CENPW: variants seen among roughly 807,000 people sequenced by gnomAD.
CENPW encodes the protein centromere protein W.
In CENPW, 3 loss-of-function variants were observed where a neutral mutation model predicts 11.1. The ratio of observed to expected loss-of-function variants is 0.27; its 90% CI spans 0.12 to 0.70. The LOEUF (loss-of-function observed/expected upper bound fraction) is 0.70, where lower values mean the gene tolerates loss of function less well. CENPW is among the 30% of genes least tolerant of loss of function. The pLI is 0.77. For synonymous variants in CENPW, 38 were observed against 42.0 expected, an observed-to-expected ratio of 0.91 and a Z score of 0.37; for missense variants, 100 against 105.6, an observed-to-expected ratio of 0.95 and a Z score of 0.23.
chr6:126,402,616 G>A, the CENPW span, among the ~76,000 whole-genome samples: 3 of 145,234 alleles, frequency 2.1e-5, no homozygotes, highest in African/African-American at 7.6e-5. Context: ...ATCATTCAAT[G>A]TGTAGTCCTT....
chr6:126,460,487 G>A, the CENPW span, among the ~76,000 whole-genome samples: 1 of 151,756 alleles, frequency 6.6e-6, no homozygotes, highest in Non-Finnish European at 1.5e-5. Context: ...AGCCTCAAAT[G>A]TCAACGCTGT....
chr6:126,459,918 CCT>C, the CENPW span, among the ~76,000 whole-genome samples: 1 of 150,360 alleles, frequency 6.7e-6, no homozygotes, highest in Non-Finnish European at 1.5e-5. Context: ...GTTTTTTCTT[CCT>C]TTTTTTTTTA....
the CENPW span, among the ~76,000 whole-genome samples, chr6:126,438,136 G>A: frequency 6.6e-6 from 1 of 150,932 alleles, no homozygotes; most frequent in African/African-American, 2.4e-5. Flanking sequence ...GTAAAATGTA[G>A]TCTCTCTCAC....
the CENPW span, among the ~76,000 whole-genome samples, chr6:126,414,079 A>G: frequency 6.6e-6 from 1 of 152,072 alleles, no homozygotes; most frequent in Non-Finnish European, 1.5e-5. Flanking sequence ...CTAAAAGATC[A>G]TTATATAATA....
At chr6:126,397,357 G>C in the CENPW span, among the ~76,000 whole-genome samples, 42 of 152,052 alleles carry the variant, frequency 2.8e-4, no homozygotes, top group Non-Finnish European at 3.7e-4. Flanking sequence ...CAATGCACTG[G>C]CTCACAGGAC....
At chr6:126,367,940 G>T in the CENPW span, among the ~76,000 whole-genome samples, 9 of 152,188 alleles carry the variant, frequency 5.9e-5, no homozygotes, top group African/African-American at 1.7e-4. Context: ...TTACGATTTT[G>T]ATTTAAACCG....
At chr6:126,457,618 C>G in the CENPW span, among the ~76,000 whole-genome samples, 3 of 150,974 alleles carry the variant, frequency 2.0e-5, no homozygotes, top group Non-Finnish European at 4.4e-5. Flanking sequence ...AGCGTCATGA[C>G]ATCTCTATAT....
chr6:126,392,678 G>A, the CENPW span, among the ~76,000 whole-genome samples: 2 of 151,984 alleles, frequency 1.3e-5, 1 homozygote, highest in Admixed American at 1.3e-4. Flanking sequence ...TTTTTAGTGT[G>A]TTGTTGAATT....
At chr6:126,476,989 AAGG>A in the CENPW span, among the ~76,000 whole-genome samples, 4 of 152,004 alleles carry the variant, frequency 2.6e-5, no homozygotes, top group Non-Finnish European at 4.4e-5. Context: ...TAAATGAGTA[AAGG>A]AAATATACTT....
chr6:126,427,570 T>C, the CENPW span, among the ~76,000 whole-genome samples: 1 of 152,174 alleles, frequency 6.6e-6, no homozygotes, highest in African/African-American at 2.4e-5. Flanking sequence ...TCACAATAAC[T>C]CACAAGTTGC....
At chr6:126,344,905 G>A (rs1780380063) in intron 1 of CENPW, among the ~76,000 whole-genome samples, 1 of 152,074 alleles carries the variant, frequency 6.6e-6, no homozygotes, top group African/African-American at 2.4e-5. Context: ...TGTATAAATT[G>A]TTCTTCTTAC....
the CENPW span, among the ~76,000 whole-genome samples, chr6:126,457,203 A>G: frequency 6.6e-6 from 1 of 151,436 alleles, no homozygotes; most frequent in African/African-American, 2.4e-5. Context: ...ATATACCAAT[A>G]TGGGAGTATA....
chr6:126,393,994 A>G, the CENPW span, among the ~76,000 whole-genome samples: 4 of 151,666 alleles, frequency 2.6e-5, no homozygotes, highest in Non-Finnish European at 5.9e-5. Context: ...ATCTTTTTGC[A>G]TCTCTTCATT....
chr6:126,347,046 C>T (rs1780425471), intron 2 of CENPW, among the ~76,000 whole-genome samples: 1 of 152,088 alleles, frequency 6.6e-6, no homozygotes, highest in African/African-American at 2.4e-5. Flanking sequence ...GTGCAGTTTT[C>T]CAGATATGTT....
chr6:126,459,372 T>A, the CENPW span, among the ~76,000 whole-genome samples: 1 of 151,474 alleles, frequency 6.6e-6, no homozygotes, highest in African/African-American at 2.4e-5. Context: ...TCCAGAATGA[T>A]GAGAAGTAAG....
the CENPW span, among the ~76,000 whole-genome samples, chr6:126,464,579 A>T: frequency 6.6e-6 from 1 of 152,094 alleles, no homozygotes; most frequent in African/African-American, 2.4e-5. Context: ...CCCATGCTGG[A>T]TGCTTCCTGC....
At chr6:126,396,496 C>G in the CENPW span, among the ~76,000 whole-genome samples, 5 of 152,260 alleles carry the variant, frequency 3.3e-5, no homozygotes, top group Non-Finnish European at 5.9e-5. Context: ...CATCCAAGAG[C>G]CAAGGCCTGG....
At chr6:126,440,260 T>C in the CENPW span, among the ~76,000 whole-genome samples, 1 of 151,570 alleles carries the variant, frequency 6.6e-6, no homozygotes, top group South Asian at 2.1e-4. Context: ...AAGCAATATA[T>C]AGTTTGTATA....
the CENPW span, among the ~76,000 whole-genome samples, chr6:126,448,204 T>G: frequency 1.3e-5 from 2 of 151,080 alleles, no homozygotes; most frequent in Non-Finnish European, 1.5e-5. Context: ...GACTCAAGAC[T>G]TACTGAATCA....
Sources: gnomAD v4.1 joint callset for allele counts (sites outside exome capture counted in the v4.1 genomes callset) on GRCh38, gnomAD v4.1.1 for gene constraint, MANE v1.5 for transcripts, NCBI Gene and HGNC (gene_info 2026-07-23, HGNC 2026-07-21) for gene names.